The following LAMA2 variants were observed in gnomAD, a reference collection of about 807,000 sequenced individuals.
The protein encoded by LAMA2 is laminin subunit alpha 2, also known as laminin subunit alpha-2.
A neutral mutation model predicts 364.8 loss-of-function variants in LAMA2; 269 were observed. The observed-to-expected ratio is 0.74, with a 90% confidence interval of 0.67 to 0.82. The LOEUF is 0.82. Ranked by LOEUF, LAMA2 falls within the 40% of genes least tolerant of loss-of-function variation. The probability of loss-of-function intolerance (pLI) is 0.00; values close to 1 mark genes in which losing one functional copy is unlikely to be tolerated. For synonymous variants in LAMA2, 1,379 were observed against 1,370.6 expected (o/e 1.01, Z -0.14); for missense variants, 3,807 against 3,873.2 (o/e 0.98, Z 0.45).
intron 55 of LAMA2, among the ~76,000 whole-genome samples, 161 bp downstream of exon 55, chr6:129,481,600 C>T (rs1166921530): frequency 6.6e-6 from 1 of 152,192 alleles, no homozygotes; most frequent in Non-Finnish European, 1.5e-5. Context: ...ATTTCACTCA[C>T]ATCATCTCCC....
intron 29 of LAMA2, among the ~76,000 whole-genome samples, chr6:129,332,691 A>C (rs978034919): frequency 1.3e-5 from 2 of 152,186 alleles, no homozygotes; most frequent in African/African-American, 2.4e-5. Flanking sequence ...AATTCTTTCT[A>C]TGTATCTTAC....
At chr6:129,117,161 C>G (rs1776526954) in intron 4 of LAMA2, among the ~76,000 whole-genome samples, 1 of 152,112 alleles carries the variant, frequency 6.6e-6, no homozygotes, top group Admixed American at 6.6e-5. Context: ...TTCAAACTTT[C>G]AAGACGAACA....
chr6:129,490,811 C>CTAT (rs1784822196), intron 56 of LAMA2: 1 of 152,182 alleles, frequency 6.6e-6, no homozygotes, highest in Non-Finnish European at 1.5e-5. Context: ...TCATTTCCCC[C>CTAT]TATTTTCTCT....
chr6:129,223,423 T>G (rs1417985587), intron 12 of LAMA2, among the ~76,000 whole-genome samples: 3 of 152,234 alleles, frequency 2.0e-5, no homozygotes, highest in Admixed American at 2.0e-4. Flanking sequence ...TACCCATGCC[T>G]ATGTCCTCAA....
chr6:129,333,574 CTAAA>C (rs1465050719), intron 29 of LAMA2, among the ~76,000 whole-genome samples: 121 of 152,178 alleles, frequency 8.0e-4, no homozygotes, highest in Non-Finnish European at 8.1e-4. Flanking sequence ...ATATTATTGA[CTAAA>C]TAAATAACTT....
Position 129,514,581 on chromosome 6 carries a change from T to C in LAMA2, c.9197T>C (p.Val3066Ala). The C allele has an allele frequency of 6.2e-7, 1 of 1,613,948 alleles. No homozygotes were observed. Among genetic ancestry groups the C allele is most frequent in the Non-Finnish European group, 8.5e-7 (1 of 1,179,944 alleles). ...TSADTNDPVFVGGFPDDLKQF... is the reference protein window; with the variant it reads ...TSADTNDPVFAGGFPDDLKQF... ...GCTGACACAAATGACCCTGTGTTTG[T>C]TGGAGGCTTCCCAGGTGAGTGTTGG... Residue 3066 changes from valine to alanine, a missense_variant, in exon 64 of 65, where the codon GTT becomes GCT. Physicochemically the swap from Val to Ala is moderately conservative, Grantham distance 64 (BLOSUM62 0). Transcript: ENST00000421865.
chr6:129,118,345 T>C (rs1776594310), intron 4 of LAMA2, among the ~76,000 whole-genome samples: 1 of 152,222 alleles, frequency 6.6e-6, no homozygotes, highest in Non-Finnish European at 1.5e-5. Flanking sequence ...TCCTAGTCTC[T>C]TTCACTGGGA....
intron 5 of LAMA2, among the ~76,000 whole-genome samples, 156 bp downstream of exon 5, chr6:129,144,236 A>T: frequency 6.6e-6 from 1 of 151,260 alleles, no homozygotes; most frequent in African/African-American, 2.4e-5. Context: ...TTATTATTTG[A>T]AATTTGACAG....
At chr6:129,163,775 A>C (rs1037343050) in intron 8 of LAMA2, among the ~76,000 whole-genome samples, 1 of 152,058 alleles carries the variant, frequency 6.6e-6, no homozygotes, top group Non-Finnish European at 1.5e-5. Flanking sequence ...TAGGTTGACT[A>C]CTCTTCCTCC....
chr6:129,361,958 A>C (rs1777488364), intron 32 of LAMA2, among the ~76,000 whole-genome samples: 1 of 151,408 alleles, frequency 6.6e-6, no homozygotes, highest in Non-Finnish European at 1.5e-5. Flanking sequence ...TAATTTTTGT[A>C]TTTTTAGTAG....
chr6:129,292,547 C>A (rs1319804280), intron 20 of LAMA2, among the ~76,000 whole-genome samples: 3 of 152,074 alleles, frequency 2.0e-5, no homozygotes, highest in Admixed American at 2.0e-4. Flanking sequence ...GTTCTCAGTC[C>A]CTGAACATAC....
At chr6:129,158,664 C>T in intron 8 of LAMA2, 2 of 1,614,156 alleles carry the variant, frequency 1.2e-6, no homozygotes, top group African/African-American at 2.7e-5. Flanking sequence ...CAAAACCAGC[C>T]ATCGAATGCT....
intron 20 of LAMA2, among the ~76,000 whole-genome samples, chr6:129,292,225 A>T (rs1789754673): frequency 6.6e-6 from 1 of 152,152 alleles, no homozygotes; most frequent in Admixed American, 6.5e-5. Context: ...AGGTGCCTGT[A>T]ATCCCAGCTA....
intron 4 of LAMA2, among the ~76,000 whole-genome samples, chr6:129,127,804 C>T (rs1288968000): frequency 6.6e-6 from 1 of 151,906 alleles, no homozygotes; most frequent in Non-Finnish European, 1.5e-5. Flanking sequence ...ATTTGTTAGT[C>T]TTCTTTTGAG....
chr6:129,490,791 C>G (rs2114856933), intron 56 of LAMA2: 1 of 152,276 alleles, frequency 6.6e-6, no homozygotes, highest in Admixed American at 6.5e-5. Context: ...AAAGAAACCT[C>G]AAAAGTATGT....
At chr6:129,090,365 A>G (rs1774742764) in intron 3 of LAMA2, among the ~76,000 whole-genome samples, 1 of 152,140 alleles carries the variant, frequency 6.6e-6, no homozygotes, top group Admixed American at 6.5e-5. Context: ...CTCTTTTATA[A>G]AGGAAACCAT....
intron 4 of LAMA2, among the ~76,000 whole-genome samples, chr6:129,132,392 T>C (rs1777543687): frequency 6.6e-6 from 1 of 152,084 alleles, no homozygotes; most frequent in Non-Finnish European, 1.5e-5. Flanking sequence ...GGTCTCGATC[T>C]CCTGACCTCG....
intron 56 of LAMA2, among the ~76,000 whole-genome samples, chr6:129,487,967 C>A (rs1410817984): frequency 6.6e-6 from 1 of 152,096 alleles, no homozygotes; most frequent in Non-Finnish European, 1.5e-5. Flanking sequence ...AGATGTTAGG[C>A]CCTTTGACAA....
chr6:129,266,140 A>G (rs1414115219), intron 15 of LAMA2, among the ~76,000 whole-genome samples: 1 of 152,046 alleles, frequency 6.6e-6, no homozygotes, highest in East Asian at 1.9e-4. Context: ...ATGATGTTGT[A>G]CTCGACCATC....
Sources: allele counts gnomAD v4.1 joint callset (sites outside exome capture counted in the v4.1 genomes callset), GRCh38; gene constraint gnomAD v4.1.1; transcripts MANE v1.5; gene names NCBI Gene and HGNC (gene_info 2026-07-23, HGNC 2026-07-21).